The following UNC13C variants were observed in gnomAD, a reference collection of about 807,000 sequenced individuals.
UNC13C encodes protein unc-13 homolog C.
Under a neutral mutation model 245.4 loss-of-function variants are expected in UNC13C, and 174 were observed. The observed-to-expected ratio is 0.71, with a 90% confidence interval of 0.63 to 0.80. The LOEUF is 0.80. Among genes scored for constraint, UNC13C ranks in the 30% least tolerant of loss-of-function variants. The pLI is 0.00. For synonymous variants in UNC13C, 992 were observed against 895.1 expected (o/e 1.11, Z -1.93); for missense variants, 2,829 against 2,602.9 (o/e 1.09, Z -1.89).
intron 19 of UNC13C, among the ~76,000 whole-genome samples, chr15:54,462,803 G>T (rs1197261168): frequency 6.6e-6 from 1 of 152,198 alleles, no homozygotes; most frequent in Non-Finnish European, 1.5e-5. Flanking sequence ...CACAGCGTCT[G>T]GTCCCATCAA....
At chr15:54,083,446 T>A (rs1380487555) in intron 2 of UNC13C, among the ~76,000 whole-genome samples, 1 of 152,002 alleles carries the variant, frequency 6.6e-6, no homozygotes, top group East Asian at 1.9e-4. Context: ...GGCCCCAACC[T>A]TCATGCAAGT....
At chr15:54,073,556 T>G (rs1368327409) in intron 2 of UNC13C, among the ~76,000 whole-genome samples, 1 of 152,234 alleles carries the variant, frequency 6.6e-6, no homozygotes, top group Non-Finnish European at 1.5e-5. Flanking sequence ...GTTTCCTGAC[T>G]TTTGAATAAT....
chr15:54,164,204 G>A (rs2033082259), intron 4 of UNC13C, among the ~76,000 whole-genome samples: 1 of 152,072 alleles, frequency 6.6e-6, no homozygotes, highest in African/African-American at 2.4e-5. Flanking sequence ...TAAATAGTTG[G>A]AATTTATGTG....
chr15:54,245,241 T>C (rs1310679168), intron 7 of UNC13C, among the ~76,000 whole-genome samples: 2 of 152,172 alleles, frequency 1.3e-5, no homozygotes, highest in African/African-American at 2.4e-5. Flanking sequence ...AAAAAGAACA[T>C]TTATAGTGCA....
intron 2 of UNC13C, chr15:54,048,901 C>A (rs1897154876): frequency 3.9e-6 from 1 of 257,334 alleles, no homozygotes; most frequent in African/African-American, 2.3e-5. Context: ...TCCACATAAA[C>A]CATATTGGAA....
chr15:54,266,773 A>G (rs1244542769), intron 10 of UNC13C, among the ~76,000 whole-genome samples: 1 of 152,006 alleles, frequency 6.6e-6, no homozygotes, highest in East Asian at 1.9e-4. Context: ...GCCCCAAAAT[A>G]TTCTTTATGC....
At chr15:54,160,502 A>G (rs1026735650) in intron 4 of UNC13C, among the ~76,000 whole-genome samples, 2 of 151,700 alleles carry the variant, frequency 1.3e-5, no homozygotes, top group African/African-American at 4.8e-5. Context: ...TTATGTTCTG[A>G]AAAAACTAAA....
intron 10 of UNC13C, among the ~76,000 whole-genome samples, chr15:54,292,624 A>G (rs1596157946): frequency 6.6e-6 from 1 of 151,892 alleles, no homozygotes; most frequent in Non-Finnish European, 1.5e-5. Context: ...AGTGAAAACC[A>G]TAGATGTCTT....
the UNC13C span, among the ~76,000 whole-genome samples, chr15:53,918,347 C>CT: frequency 7.2e-4 from 1 of 1,390 alleles, no homozygotes; most frequent in African/African-American, 8.0e-4. Context: ...TTGTTTATTT[C>CT]CTACTCAGAT....
At chr15:54,178,730 A>G (rs542006187) in intron 4 of UNC13C, among the ~76,000 whole-genome samples, 33 of 152,208 alleles carry the variant, frequency 2.2e-4, no homozygotes, top group African/African-American at 7.9e-4. Context: ...TATTTAAGAA[A>G]CTCAAGGAGC....
chr15:54,130,913 T>A (rs925052769), intron 2 of UNC13C, among the ~76,000 whole-genome samples: 1 of 152,230 alleles, frequency 6.6e-6, no homozygotes, highest in African/African-American at 2.4e-5. Context: ...CTGTAAAAGT[T>A]GCGTGACCAA....
At chr15:54,126,935 G>A (rs757018020) in intron 2 of UNC13C, among the ~76,000 whole-genome samples, 4 of 152,168 alleles carry the variant, frequency 2.6e-5, no homozygotes, top group Admixed American at 2.6e-4. Flanking sequence ...CATTTATGCG[G>A]CCAATAGTTA....
intron 4 of UNC13C, among the ~76,000 whole-genome samples, chr15:54,233,796 G>T (rs1366970272): frequency 6.6e-6 from 1 of 152,144 alleles, no homozygotes; most frequent in Non-Finnish European, 1.5e-5. Flanking sequence ...TTTGTAGCCT[G>T]TTGCAATGAC....
rs1276765287 is a variant in UNC13C, at chr15:54,378,031, G to GA, written c.4714-15011dup. ...TTTTTTTTTTGGTACAGCATTCCCT[G>GA]AAAAAAGTGATGTTTTTATATGTAG... On this transcript the variant is annotated intron_variant, in intron 17 of 32. Transcript: ENST00000260323. Among the ~76,000 whole-genome samples, 5 of 151,860 alleles carry GA rather than the reference G, an allele frequency of 3.3e-5. No homozygotes were observed. The East Asian group carries it at 7.7e-4, about 23-fold the overall frequency.
At chr15:54,434,482 G>A (rs1242665263) in intron 19 of UNC13C, among the ~76,000 whole-genome samples, 1 of 152,014 alleles carries the variant, frequency 6.6e-6, no homozygotes, top group African/African-American at 2.4e-5. Context: ...GAGCAATGGG[G>A]AAAGTGTTCC....
intron 24 of UNC13C, among the ~76,000 whole-genome samples, chr15:54,523,098 C>T (rs1005120307): frequency 6.6e-6 from 1 of 152,116 alleles, no homozygotes; most frequent in Non-Finnish European, 1.5e-5. Context: ...GAGCTCTCAG[C>T]TCCCAATCTA....
At chr15:53,839,153 G>T in the UNC13C span, among the ~76,000 whole-genome samples, 1 of 151,936 alleles carries the variant, frequency 6.6e-6, no homozygotes, top group Non-Finnish European at 1.5e-5. Context: ...GTGTGTGTGT[G>T]TTTCTTCTGC....
intron 10 of UNC13C, among the ~76,000 whole-genome samples, chr15:54,286,864 G>C (rs144920299): frequency 1.7e-4 from 26 of 152,096 alleles, no homozygotes; most frequent in African/African-American, 5.3e-4. Context: ...CTTTAATTTT[G>C]AATGGAATAA....
At chr15:54,044,094 G>A (rs1487768787) in intron 2 of UNC13C, among the ~76,000 whole-genome samples, 2 of 152,108 alleles carry the variant, frequency 1.3e-5, no homozygotes, top group African/African-American at 4.8e-5. Context: ...CCTGCCCCCA[G>A]CCTCTGGCAA....
Sources: allele counts gnomAD v4.1 joint callset (sites outside exome capture counted in the v4.1 genomes callset), GRCh38; gene constraint gnomAD v4.1.1; transcripts MANE v1.5; gene names NCBI Gene and HGNC (gene_info 2026-07-23, HGNC 2026-07-21).